The following PSMD1 variants were observed in gnomAD, a reference collection of about 807,000 sequenced individuals.
PSMD1 encodes 26S proteasome non-ATPase regulatory subunit 1.
A neutral mutation model predicts 119.0 loss-of-function variants in PSMD1; 18 were observed. The observed-to-expected ratio is 0.15, with a 90% CI of 0.10 to 0.22. The LOEUF (loss-of-function observed/expected upper bound fraction) is 0.22. PSMD1 is among the 10% of genes least tolerant of loss of function. The probability of loss-of-function intolerance (pLI) is 1.00; values close to 1 mark genes in which losing one functional copy is unlikely to be tolerated. For synonymous variants in PSMD1, 374 were observed against 396.6 expected (o/e 0.94, Z 0.68); for missense variants, 702 against 1,158.5 (o/e 0.61, Z 5.72).
intron 17 of PSMD1, among the ~76,000 whole-genome samples, chr2:231,139,280 AG>A (rs904099643): frequency 4.0e-5 from 6 of 148,858 alleles, no homozygotes; most frequent in Admixed American, 2.0e-4. Flanking sequence ...CTGGGATTAC[AG>A]GCATGAGCCA....
intron 15 of PSMD1, among the ~76,000 whole-genome samples, chr2:231,086,219 C>T (rs990177949): frequency 6.6e-6 from 1 of 152,078 alleles, no homozygotes; most frequent in Non-Finnish European, 1.5e-5. Context: ...AATTTTTTAA[C>T]TTTTTGTGTA....
intron 14 of PSMD1, among the ~76,000 whole-genome samples, chr2:231,084,075 G>C (rs948731754): frequency 1.3e-5 from 2 of 152,120 alleles, no homozygotes; most frequent in Admixed American, 1.3e-4. Context: ...TGGGCCAGGC[G>C]TGGTGGCTCA....
rs563814916 is a variant in PSMD1 at position 231,097,086 on chromosome 2, T to C, written c.1883+9905T>C. On this transcript the variant is annotated intron_variant, in intron 16 of 24. Coordinates refer to ENST00000308696, the MANE Select transcript of PSMD1 (RefSeq NM_002807.4). Reference sequence around the variant, plus strand: ...TTTCCTTACAGCTTTCTTTTCAAACTTTTTTACAAGTCTTGGCTTAGTTGT... The same window carrying C: ...TTTCCTTACAGCTTTCTTTTCAAACCTTTTTACAAGTCTTGGCTTAGTTGT... Among the ~76,000 whole-genome samples the C allele has an allele frequency of 1.8e-4, 28 of 152,326 alleles. 2 individuals are homozygous for C. In the South Asian group the frequency reaches 5.8e-3, roughly 32 times the overall value.
chr2:231,061,257 T>C lies in PSMD1; in HGVS notation c.17-10T>C, dbSNP rs1193205855. On this transcript the variant is annotated splice_polypyrimidine_tract_variant and intron_variant, in intron 1 of 24. Coordinates refer to ENST00000308696, the MANE Select transcript of PSMD1 (RefSeq NM_002807.4). The stretch of plus-strand genomic sequence containing the variant: ...TGTTTCATAATCATGTTACATCTTT[T>C]TTCTCATAGCTGGAATTATTTCTCT... The C allele has an allele frequency of 1.3e-6, 2 of 1,583,924 alleles. No individual in the cohort carries two copies. Among genetic ancestry groups the C allele is most frequent in the South Asian group, 1.1e-5 (1 of 88,842 alleles).
chr2:231,086,985 G>A, intron 15 of PSMD1, 132 bp from the exon 16 acceptor site: 1 of 620,288 alleles, frequency 1.6e-6, no homozygotes, highest in Non-Finnish European at 2.9e-6. Flanking sequence ...TTAGAGGTGT[G>A]CAACATAATG....
Position 231,082,889 on chromosome 2 carries a change from A to G in PSMD1, c.1420A>G (p.Arg474Gly). 2 of 1,612,868 alleles carry G rather than the reference A, an allele frequency of 1.2e-6. No individual in the cohort carries two copies. The highest frequency in any genetic ancestry group is 1.7e-6 in the Non-Finnish European group (2 of 1,178,958). The part of the protein sequence containing the change: ...QLKNASNDIV[R>G]HGGSLGLGLA... The stretch of plus-strand genomic sequence containing the variant: ...ATCTATGTTTTTTCCTTAGATCGTT[A>G]GACACGGTGGCAGTCTGGGCCTTGG... The change falls in exon 13 of 25, where the codon AGA becomes GGA. Residue 474 changes from arginine (R) to glycine (G), a missense_variant. Arg to Gly is a moderately radical substitution (Grantham distance 125, BLOSUM62 -2). Transcript: ENST00000308696.
intron 16 of PSMD1, among the ~76,000 whole-genome samples, chr2:231,120,061 C>T (rs1285517905): frequency 6.6e-6 from 1 of 151,416 alleles, no homozygotes; most frequent in African/African-American, 2.4e-5. Flanking sequence ...AAGCTATTCT[C>T]CTGCCTCAGT....
chr2:231,153,498 C>A, intron 18 of PSMD1, 66 bp from the exon 19 acceptor site: 1 of 1,097,072 alleles, frequency 9.1e-7, no homozygotes, highest in South Asian at 1.3e-5. Flanking sequence ...CAATATTATT[C>A]CCTGTTCTAA....
intron 23 of PSMD1, among the ~76,000 whole-genome samples, chr2:231,166,251 T>C (rs1696782736): frequency 2.0e-5 from 3 of 152,184 alleles, no homozygotes; most frequent in Admixed American, 1.3e-4. Flanking sequence ...ACATACGACG[T>C]AGGAGTTCCT....
rs1015937274 is a variant in PSMD1 at position 231,057,142 on chromosome 2, C to T, written c.16+101C>T. 3.6e-6 allele frequency: 5 copies of T among 1,380,706 alleles called. No individual in the cohort carries two copies. The African/African-American group carries it at 6.2e-5, about 17-fold the overall frequency. 85.5% of individuals were successfully genotyped at this position (1,380,706 alleles called of 1,614,324 possible). ...GACTGGGCGCCTCCCGGCGGAACGC[C>T]GGCCTGGGCAGCTTCTTGCTGCCCA... On this transcript the variant is annotated intron_variant, in intron 1 of 24. Coordinates refer to ENST00000308696, the MANE Select transcript of PSMD1 (RefSeq NM_002807.4).
Position 231,115,586 on chromosome 2 carries a change from G to A in PSMD1, c.1884-23150G>A, listed in dbSNP as rs1574743371. Reference sequence around the variant, plus strand: ...TACTGTAAATAAACTTTGCCTGCTTGTTGAATTGGGGGTAGGAAGGGATAG... The same window carrying A: ...TACTGTAAATAAACTTTGCCTGCTTATTGAATTGGGGGTAGGAAGGGATAG... On this transcript the variant is annotated intron_variant, in intron 16 of 24. Coordinates refer to ENST00000308696, the MANE Select transcript of PSMD1 (RefSeq NM_002807.4). 3.3e-5 allele frequency among the ~76,000 whole-genome samples: 5 copies of A among 152,080 alleles called. No homozygotes were observed. In the East Asian group the frequency reaches 9.6e-4, roughly 29 times the overall value.
At chr2:231,102,826 C>T (rs1156599996) in intron 16 of PSMD1, among the ~76,000 whole-genome samples, 1 of 152,090 alleles carries the variant, frequency 6.6e-6, no homozygotes, top group Non-Finnish European at 1.5e-5. Context: ...TTGTTCAAGG[C>T]TCACTGTTAT....
chr2:231,168,668 T>C (rs1194849058), intron 23 of PSMD1, among the ~76,000 whole-genome samples: 1 of 152,234 alleles, frequency 6.6e-6, no homozygotes, highest in African/African-American at 2.4e-5. Flanking sequence ...GAGTGGCTGC[T>C]ACTGGGCCCA....
chr2:231,080,479 A>G (rs1694283700), intron 12 of PSMD1, among the ~76,000 whole-genome samples, 165 bp downstream of exon 12: 1 of 152,014 alleles, frequency 6.6e-6, no homozygotes, highest in Non-Finnish European at 1.5e-5. Context: ...CTTCTTGATA[A>G]GCTAAAATTG....
chr2:231,086,902 A>AC (rs1694464502), intron 15 of PSMD1, among the ~76,000 whole-genome samples: 1 of 152,012 alleles, frequency 6.6e-6, no homozygotes, highest in Non-Finnish European at 1.5e-5. Flanking sequence ...ACATAGGGAG[A>AC]CCCTGTCTCT....
At chr2:231,125,012 C>G (rs1463876761) in intron 16 of PSMD1, 1 of 152,108 alleles carries the variant, frequency 6.6e-6, no homozygotes, top group Non-Finnish European at 1.5e-5. Context: ...GTCATCTTAT[C>G]TGTTCACTAG....
At position 231,085,091 on chromosome 2, in the gene PSMD1, A is replaced by G. The variant is rs1694399359; in HGVS notation, c.1795A>G (p.Ile599Val). 6.2e-7 allele frequency: 1 copy of G among 1,613,914 alleles called. No homozygotes were observed. The highest frequency in any genetic ancestry group is 8.5e-7 in the Non-Finnish European group (1 of 1,179,776). The change falls in exon 15 of 25, where the codon ATT becomes GTT. Residue 599 changes from isoleucine (I) to valine (V), a missense_variant. Coordinates refer to ENST00000308696, the MANE Select transcript of PSMD1 (RefSeq NM_002807.4). ...TTGTGGCTCTGGTAACAACAAAGCA[A>G]TTCGACGCCTGCTACATGTTGCTGT... is the stretch of plus-strand genomic sequence containing the variant. ...AYCGSGNNKAIRRLLHVAVSD... is the reference protein window; with the variant it reads ...AYCGSGNNKAVRRLLHVAVSD...
At chr2:231,088,635 A>G (rs978477767) in intron 16 of PSMD1, among the ~76,000 whole-genome samples, 4 of 152,218 alleles carry the variant, frequency 2.6e-5, no homozygotes, top group African/African-American at 9.6e-5. Context: ...AACTCAATCA[A>G]TAAATGTGTG....
Position 231,075,519 on chromosome 2 carries a change from T to C in PSMD1, c.890T>C (p.Met297Thr), listed in dbSNP as rs1694139262. The C allele has an allele frequency of 3.7e-6, 6 of 1,612,796 alleles. No homozygotes were observed. In the African/African-American group the frequency reaches 5.3e-5, roughly 14 times the overall value. Reference sequence around the variant, plus strand: ...GGTTCTTTTCATTTCAGTGACTCGATGGAAACAGAAGAAAAGACAAGCAGT... The same window carrying C: ...GGTTCTTTTCATTTCAGTGACTCGACGGAAACAGAAGAAAAGACAAGCAGT... ...VPGSEKDSDS[M>T]ETEEKTSSAF... Residue 297 changes from methionine (M) to threonine (T), a missense_variant, in exon 8 of 25, where the codon ATG becomes ACG. Met to Thr is a moderately conservative substitution (Grantham distance 81, BLOSUM62 -1). Coordinates refer to ENST00000308696, the MANE Select transcript of PSMD1 (RefSeq NM_002807.4).
Sources: allele counts gnomAD v4.1 joint callset (sites outside exome capture counted in the v4.1 genomes callset), GRCh38; gene constraint gnomAD v4.1.1; transcripts MANE v1.5; gene names NCBI Gene and HGNC (gene_info 2026-07-23, HGNC 2026-07-21).